The following CACNA2D3 variants were observed in gnomAD, a reference collection of about 807,000 sequenced individuals.
CACNA2D3 encodes the protein calcium voltage-gated channel auxiliary subunit alpha2delta 3.
In CACNA2D3, 60 loss-of-function variants were observed where a neutral mutation model predicts 160.6. The ratio of observed to expected loss-of-function variants is 0.37; its 90% confidence interval spans 0.30 to 0.46. The LOEUF is 0.46. CACNA2D3 is among the 20% of genes least tolerant of loss of function. The pLI, the probability that CACNA2D3 is intolerant of heterozygous loss-of-function variation, is 1.00. For synonymous variants in CACNA2D3, 558 were observed against 492.9 expected (o/e 1.13, Z -1.75); for missense variants, 1,205 against 1,365.0 (o/e 0.88, Z 1.85).
At chr3:54,786,334 G>A (rs1702641112) in intron 13 of CACNA2D3, among the ~76,000 whole-genome samples, 1 of 152,112 alleles carries the variant, frequency 6.6e-6, no homozygotes, top group African/African-American at 2.4e-5. Flanking sequence ...ATGAATGAAT[G>A]GTAAAATAGT....
At chr3:54,147,790 T>C (rs1700063576) in intron 2 of CACNA2D3, among the ~76,000 whole-genome samples, 1 of 152,168 alleles carries the variant, frequency 6.6e-6, no homozygotes, top group East Asian at 1.9e-4. Context: ...GAGGTAGTTA[T>C]GATGGGAAGA....
Position 54,626,430 on chromosome 3 carries a change from G to A in CACNA2D3, c.964-1357G>A, listed in dbSNP as rs530366958. 30 of 1,588,750 alleles carry A rather than the reference G, an allele frequency of 1.9e-5. No individual in the cohort carries two copies. The South Asian group carries it at 3.0e-4, about 16-fold the overall frequency. On this transcript the variant is annotated intron_variant, in intron 9 of 37. Transcript: ENST00000474759. ...AGGAGGCGCTGCCCATGGAGAAGCC[G>A]GAAGTGGTGAAGACGCACCTGCGTG... is the stretch of plus-strand genomic sequence containing the variant.
chr3:54,929,655 T>TA (rs1352785837), intron 27 of CACNA2D3, among the ~76,000 whole-genome samples: 1 of 152,118 alleles, frequency 6.6e-6, no homozygotes, highest in Non-Finnish European at 1.5e-5. Context: ...GCATCACACA[T>TA]ACAATGGGCA....
chr3:54,151,417 G>T (rs182629867), intron 2 of CACNA2D3, among the ~76,000 whole-genome samples: 298 of 152,014 alleles, frequency 2.0e-3, no homozygotes, highest in African/African-American at 6.9e-3. Context: ...ATGGATAGTT[G>T]GGGGAGGGAG....
intron 4 of CACNA2D3, among the ~76,000 whole-genome samples, chr3:54,462,676 T>C (rs996392994): frequency 9.2e-5 from 14 of 152,178 alleles, no homozygotes; most frequent in Non-Finnish European, 1.6e-4. Flanking sequence ...TGTCTCTGCA[T>C]GTGAGATGGG....
At chr3:54,272,243 C>G (rs1228773001) in intron 2 of CACNA2D3, among the ~76,000 whole-genome samples, 1 of 152,198 alleles carries the variant, frequency 6.6e-6, no homozygotes, top group African/African-American at 2.4e-5. Flanking sequence ...TGAGTCACTT[C>G]TTTGTTTTCT....
At chr3:54,985,061 T>C (rs1247260043) in intron 30 of CACNA2D3, among the ~76,000 whole-genome samples, 1 of 152,248 alleles carries the variant, frequency 6.6e-6, no homozygotes. Context: ...TTCATATGTG[T>C]GCACACACAT....
intron 2 of CACNA2D3, chr3:54,177,905 A>G (rs948377017): frequency 6.6e-6 from 1 of 152,194 alleles, no homozygotes; most frequent in African/African-American, 2.4e-5. Context: ...TGAGGTAAGG[A>G]TAATTTTTTA....
Position 54,987,669 on chromosome 3 carries a change from C to T in CACNA2D3, c.2620-14C>T, listed in dbSNP as rs773942888. ...TATTTATCTACACCTCCTCATATGTCTTCTTCCCCATAGACTGGAGACTTT... is the reference window on the plus strand; with the variant it reads ...TATTTATCTACACCTCCTCATATGTTTTCTTCCCCATAGACTGGAGACTTT... On this transcript the variant is annotated splice_polypyrimidine_tract_variant and intron_variant, in intron 30 of 37. Transcript: ENST00000474759. 6.3e-7 allele frequency: 1 copy of T among 1,579,752 alleles called. No individual in the cohort carries two copies. Among genetic ancestry groups the T allele is most frequent in the South Asian group, 1.1e-5 (1 of 86,998 alleles).
At chr3:54,646,209 T>C (rs1329690286) in intron 11 of CACNA2D3, among the ~76,000 whole-genome samples, 1 of 87,782 alleles carries the variant, frequency 1.1e-5, no homozygotes, top group Admixed American at 1.2e-4. Context: ...CTTCCTTCCT[T>C]CCTTCCTTCC....
At chr3:54,662,941 C>T (rs1341642244) in intron 11 of CACNA2D3, among the ~76,000 whole-genome samples, 3 of 152,224 alleles carry the variant, frequency 2.0e-5, no homozygotes, top group Admixed American at 1.3e-4. Flanking sequence ...ATTTGTAAAA[C>T]AGCCTTGCTG....
At chr3:54,282,381 C>G (rs1056433793) in intron 2 of CACNA2D3, among the ~76,000 whole-genome samples, 1 of 152,046 alleles carries the variant, frequency 6.6e-6, no homozygotes, top group Non-Finnish European at 1.5e-5. Flanking sequence ...GCTAAGAGGC[C>G]CTTGGATAGT....
chr3:54,937,512 A>C (rs2048805), intron 27 of CACNA2D3, among the ~76,000 whole-genome samples: 64,100 of 152,048 alleles, frequency 0.42, 14,960 homozygotes, highest in East Asian at 0.75. Context: ...CAATCTGTGT[A>C]TTAGTGGACC....
intron 29 of CACNA2D3, among the ~76,000 whole-genome samples, chr3:54,979,834 A>G (rs1253495121): frequency 1.3e-5 from 2 of 152,184 alleles, no homozygotes; most frequent in African/African-American, 4.8e-5. Flanking sequence ...TCTCTTGAAG[A>G]AGATTAAAAC....
intron 6 of CACNA2D3, 128 bp from the exon 7 acceptor site, chr3:54,569,667 C>A: frequency 4.1e-6 from 3 of 739,402 alleles, no homozygotes; most frequent in Admixed American, 2.1e-5. Context: ...ATGTGATGAG[C>A]TCTGGGGTTG....
At chr3:54,583,481 C>T (rs184784207) in intron 9 of CACNA2D3, among the ~76,000 whole-genome samples, 67 of 152,238 alleles carry the variant, frequency 4.4e-4, no homozygotes, top group Admixed American at 4.3e-3. Context: ...CTGAGAAGCC[C>T]TAGACATAAC....
chr3:54,807,391 G>A (rs539614679), intron 13 of CACNA2D3, among the ~76,000 whole-genome samples: 21 of 152,222 alleles, frequency 1.4e-4, no homozygotes, highest in Middle Eastern at 3.4e-3. Context: ...AAAAGTGGGC[G>A]AAGGACATGA....
At chr3:54,374,585 T>C (rs1237358095) in intron 3 of CACNA2D3, among the ~76,000 whole-genome samples, 5 of 152,338 alleles carry the variant, frequency 3.3e-5, no homozygotes, top group South Asian at 2.1e-4. Context: ...TCATACCTGC[T>C]AGCCCTTCTT....
At chr3:54,479,636 A>C (rs1700900428) in intron 4 of CACNA2D3, among the ~76,000 whole-genome samples, 1 of 152,152 alleles carries the variant, frequency 6.6e-6, no homozygotes, top group Admixed American at 6.5e-5. Context: ...TCTTGGAGAC[A>C]TCAGAAACCG....
Sources: allele counts gnomAD v4.1 joint callset (sites outside exome capture counted in the v4.1 genomes callset), GRCh38; gene constraint gnomAD v4.1.1; transcripts MANE v1.5; gene names NCBI Gene and HGNC (gene_info 2026-07-23, HGNC 2026-07-21).